ITPRID1: variants seen among roughly 807,000 people sequenced by gnomAD.
ITPRID1 encodes protein ITPRID1.
ITPRID1 carries 96 observed loss-of-function variants against 95.4 expected under a neutral mutation model. The observed-to-expected ratio is 1.01, with a 90% CI of 0.85 to 1.19. ITPRID1 has a LOEUF of 1.19. ITPRID1 is among the 50% of genes most tolerant of loss of function. ITPRID1 has a pLI of 0.00. For synonymous variants in ITPRID1, 510 were observed against 453.6 expected, an observed-to-expected ratio of 1.12 and a Z score of -1.58; for missense variants, 1,339 against 1,252.9, an observed-to-expected ratio of 1.07 and a Z score of -1.04.
chr7:31,517,504 A>T (rs1377114793), intron 1 of ITPRID1: 1 of 153,314 alleles, frequency 6.5e-6, no homozygotes, highest in Non-Finnish European at 1.5e-5. Context: ...CAAGAAAGAG[A>T]TGGAGACCCA....
chr7:31,632,994 C>G (rs1263951665), intron 10 of ITPRID1, among the ~76,000 whole-genome samples: 1 of 152,050 alleles, frequency 6.6e-6, no homozygotes. Flanking sequence ...TCAAGTGATT[C>G]TCCTGCCTCA....
rs1012526626 is a variant in ITPRID1 at position 31,654,786 on chromosome 7, G to A, written c.*1957G>A. ...AAGTTTATAATTTGTATGAAAAGAT[G>A]GTCAAAGGAGAGGTCACTTCTTAGC... On this transcript the variant is annotated 3_prime_UTR_variant, in exon 15 of 15. Coordinates refer to ENST00000615280, the MANE Select transcript of ITPRID1 (RefSeq NM_001257967.3). Among the ~76,000 whole-genome samples the A allele has an allele frequency of 6.6e-6, 1 of 152,048 alleles. No individual in the cohort carries two copies. Among genetic ancestry groups the A allele is most frequent in the Admixed American group, 6.6e-5 (1 of 15,264 alleles).
At chr7:31,607,694 A>T (rs200380999) in intron 10 of ITPRID1, among the ~76,000 whole-genome samples, 1 of 151,192 alleles carries the variant, frequency 6.6e-6, no homozygotes, top group Non-Finnish European at 1.5e-5. Context: ...CATGCCCTTC[A>T]GTTTTAAATT....
At chr7:31,615,686 C>G (rs201057048) in intron 10 of ITPRID1, among the ~76,000 whole-genome samples, 3 of 151,686 alleles carry the variant, frequency 2.0e-5, no homozygotes, top group Non-Finnish European at 4.4e-5. Flanking sequence ...AAGATCATTA[C>G]TAATAACATA....
chr7:31,573,480 G>T (rs1785067345), intron 7 of ITPRID1, among the ~76,000 whole-genome samples: 1 of 152,084 alleles, frequency 6.6e-6, no homozygotes, highest in Non-Finnish European at 1.5e-5. Flanking sequence ...GCTACCTGTT[G>T]TTGAATGTGT....
chr7:31,524,069 A>G (rs1783350528), intron 1 of ITPRID1, among the ~76,000 whole-genome samples: 1 of 152,226 alleles, frequency 6.6e-6, no homozygotes, highest in Non-Finnish European at 1.5e-5. Context: ...TACAGGGGAC[A>G]GCGCAGGAAG....
At chr7:31,547,641 GCTC>G (rs758194373) in intron 1 of ITPRID1, among the ~76,000 whole-genome samples, 10 of 152,010 alleles carry the variant, frequency 6.6e-5, no homozygotes, top group Non-Finnish European at 1.2e-4. Flanking sequence ...AACCATAGCA[GCTC>G]CTTCTTTTTT....
chr7:31,613,004 G>A (rs10435121), intron 10 of ITPRID1, among the ~76,000 whole-genome samples: 1 of 152,254 alleles, frequency 6.6e-6, no homozygotes, highest in East Asian at 1.9e-4. Flanking sequence ...CCTGACTTAG[G>A]AATCTCTGAA....
intron 10 of ITPRID1, among the ~76,000 whole-genome samples, chr7:31,635,846 T>C (rs143371580): frequency 0.02 from 3,015 of 152,188 alleles, 114 homozygotes; most frequent in African/African-American, 0.069. Flanking sequence ...ACCTAGGTGA[T>C]TGGCCGATAG....
chr7:31,573,142 TAA>T (rs1785050903), intron 7 of ITPRID1, among the ~76,000 whole-genome samples: 1 of 152,208 alleles, frequency 6.6e-6, no homozygotes, highest in South Asian at 2.1e-4. Flanking sequence ...GTTCACGTTA[TAA>T]GTTTCAATAA....
chr7:31,519,643 T>A (rs1583452207), intron 1 of ITPRID1, among the ~76,000 whole-genome samples: 1 of 133,684 alleles, frequency 7.5e-6, no homozygotes. Context: ...TATATATATA[T>A]ATAAATCTTA....
chr7:31,531,789 AACAC>A (rs796181777), intron 1 of ITPRID1, among the ~76,000 whole-genome samples: 2 of 152,218 alleles, frequency 1.3e-5, no homozygotes, highest in African/African-American at 4.8e-5. Context: ...GTTTAAAGAA[AACAC>A]ACACACAAGG....
At chr7:31,650,505 G>A (rs1021476560) in intron 12 of ITPRID1, among the ~76,000 whole-genome samples, 3 of 152,158 alleles carry the variant, frequency 2.0e-5, no homozygotes, top group African/African-American at 7.2e-5. Context: ...GGAGCAATGG[G>A]AAGGATTAAA....
intron 9 of ITPRID1, among the ~76,000 whole-genome samples, chr7:31,582,190 G>A (rs536194380): frequency 6.6e-6 from 1 of 152,224 alleles, no homozygotes; most frequent in East Asian, 1.9e-4. Context: ...TTCCAACAGT[G>A]GGAGAATTGT....
chr7:31,577,130 A>C (rs1785212623), intron 8 of ITPRID1, among the ~76,000 whole-genome samples: 1 of 152,208 alleles, frequency 6.6e-6, no homozygotes, highest in Non-Finnish European at 1.5e-5. Flanking sequence ...CTCTGGAAAG[A>C]CTGAGGAGAA....
intron 12 of ITPRID1, among the ~76,000 whole-genome samples, chr7:31,645,824 C>G (rs1005778525): frequency 1.3e-5 from 2 of 152,116 alleles, no homozygotes; most frequent in Non-Finnish European, 2.9e-5. Flanking sequence ...TCCTAAAATA[C>G]AGAGAACAGC....
At chr7:31,541,689 G>A (rs2128133164) in intron 1 of ITPRID1, among the ~76,000 whole-genome samples, 1 of 152,202 alleles carries the variant, frequency 6.6e-6, no homozygotes, top group East Asian at 1.9e-4. Context: ...CTTCCTGTAT[G>A]ATTATATAAC....
intron 5 of ITPRID1, among the ~76,000 whole-genome samples, chr7:31,560,046 C>A (rs1784575109): frequency 1.3e-5 from 2 of 152,102 alleles, no homozygotes; most frequent in African/African-American, 4.8e-5. Flanking sequence ...ATGTAATATG[C>A]TAGGAGGATG....
chr7:31,656,919 G>C (rs1221456420), downstream of ITPRID1, among the ~76,000 whole-genome samples: 2 of 151,558 alleles, frequency 1.3e-5, no homozygotes, highest in East Asian at 3.9e-4. Context: ...GCTGTCTTCA[G>C]TGCATGATGA....
Sources: allele counts gnomAD v4.1 joint callset (sites outside exome capture counted in the v4.1 genomes callset), GRCh38; gene constraint gnomAD v4.1.1; transcripts MANE v1.5; gene names NCBI Gene and HGNC (gene_info 2026-07-23, HGNC 2026-07-21).